SAP30BP: variants seen among roughly 807,000 people sequenced by gnomAD.
SAP30BP encodes SAP30 binding protein, also known as SAP30-binding protein.
SAP30BP carries 31 observed loss-of-function variants against 46.3 expected under a neutral mutation model. The ratio of observed to expected loss-of-function variants is 0.67; its 90% CI spans 0.50 to 0.90. The LOEUF is 0.90. SAP30BP is among the 40% of genes least tolerant of loss of function. SAP30BP has a pLI of 0.00. For synonymous variants in SAP30BP, 169 were observed against 144.2 expected, an observed-to-expected ratio of 1.17 and a Z score of -1.23; for missense variants, 312 against 391.0, an observed-to-expected ratio of 0.80 and a Z score of 1.70.
intron 8 of SAP30BP, 158 bp from the exon 9 acceptor site, chr17:75,704,598 A>G: frequency 1.5e-6 from 1 of 662,732 alleles, no homozygotes. Flanking sequence ...CCCCTGCCCT[A>G]TGCCGACCAA....
At chr17:75,693,298 C>G (rs1322088801) in intron 3 of SAP30BP, 142 bp from the exon 4 acceptor site, 1 of 660,104 alleles carries the variant, frequency 1.5e-6, no homozygotes, top group Admixed American at 2.8e-5. Flanking sequence ...GCCAGAGGCC[C>G]CTGAAGCATC....
At chr17:75,702,326 G>A (rs1361198768) in intron 5 of SAP30BP, among the ~76,000 whole-genome samples, 154 bp from the exon 6 acceptor site, 3 of 152,132 alleles carry the variant, frequency 2.0e-5, no homozygotes, top group South Asian at 4.1e-4. Flanking sequence ...GCCTGGCTGA[G>A]GATAGGTTAA....
chr17:75,704,874 G>T (rs961548947), intron 9 of SAP30BP, 60 bp downstream of exon 9: 58 of 1,373,688 alleles, frequency 4.2e-5, no homozygotes, highest in Middle Eastern at 1.8e-4. Context: ...GGGTCCTGCT[G>T]GCTGAGCCCA....
intron 2 of SAP30BP, among the ~76,000 whole-genome samples, chr17:75,670,167 C>A (rs1468246211): frequency 6.6e-6 from 1 of 151,930 alleles, no homozygotes; most frequent in African/African-American, 2.4e-5. Flanking sequence ...ACTAAAAATA[C>A]AATAATTAGC....
In SAP30BP at chr17:75,697,122, G is replaced by A. The variant is rs544692406; in HGVS notation, c.308-2661G>A. On this transcript the variant is annotated intron_variant, in intron 4 of 10. Transcript: ENST00000584667. ...CATGTGAGCCCCAGAGTGTGGCTGGGTTGCTGTGGCAACAGGGTCACACCC... is the reference window on the plus strand; with the variant it reads ...CATGTGAGCCCCAGAGTGTGGCTGGATTGCTGTGGCAACAGGGTCACACCC... Among the ~76,000 whole-genome samples the A allele has an allele frequency of 1.3e-4, 20 of 152,278 alleles. No homozygotes were observed. In the South Asian group the frequency reaches 4.1e-3, roughly 32 times the overall value.
At chr17:75,668,261 A>G in intron 1 of SAP30BP, 1 of 425,702 alleles carries the variant, frequency 2.3e-6, no homozygotes, top group East Asian at 4.1e-5. Context: ...GTGTTTATCT[A>G]GTGTTTATAG....
intron 3 of SAP30BP, among the ~76,000 whole-genome samples, chr17:75,677,557 G>A (rs137998512): frequency 7.8e-4 from 115 of 148,272 alleles, no homozygotes; most frequent in African/African-American, 2.3e-3. Flanking sequence ...TCAGCCTCCC[G>A]AGTAGCTGGG....
chr17:75,693,403 C>A (rs1013614095), intron 3 of SAP30BP, 37 bp from the exon 4 acceptor site: 1 of 1,588,652 alleles, frequency 6.3e-7, no homozygotes, highest in Non-Finnish European at 8.6e-7. Context: ...TTCAGGAGCC[C>A]CAGTCTTACC....
At chr17:75,682,597 A>G (rs573260176) in intron 3 of SAP30BP, among the ~76,000 whole-genome samples, 95 of 152,312 alleles carry the variant, frequency 6.2e-4, no homozygotes, top group African/African-American at 1.2e-3. Flanking sequence ...AACATTTTCA[A>G]TGTTGCTGTA....
chr17:75,706,096 G>T lies in SAP30BP; in HGVS notation c.745+4G>T. 6.2e-7 allele frequency: 1 copy of T among 1,610,316 alleles called. No individual in the cohort carries two copies. On this transcript the variant is annotated splice_donor_region_variant and intron_variant, in intron 10 of 10. Transcript: ENST00000584667. This position sits in a 1 kb window ranked among gnomAD's most constrained non-coding sequence, Gnocchi z 4.6. ...ACTGCCAGCACAGCTGTTGCAGGTA[G>T]ATTGCAGAGCTGCCCTGCCTCCTGC...
intron 6 of SAP30BP, 129 bp from the exon 7 acceptor site, chr17:75,703,182 C>A: frequency 1.2e-6 from 1 of 817,464 alleles, no homozygotes; most frequent in Non-Finnish European, 2.0e-6. Context: ...CATCAGGAAG[C>A]TTGCTTAGAG....
At position 75,677,325 on chromosome 17, in the gene SAP30BP, G is replaced by A. The variant is rs528617399; in HGVS notation, c.264+5462G>A. Among the ~76,000 whole-genome samples the A allele has an allele frequency of 5.9e-5, 9 of 151,590 alleles. No individual in the cohort carries two copies. In the East Asian group the frequency reaches 1.4e-3, roughly 23 times the overall value. ...TCACCATATTGGCCAGGCTGGTCTC[G>A]AACTCCTGACCTTGTGATCTGCCCG... is the stretch of plus-strand genomic sequence containing the variant. On this transcript the variant is annotated intron_variant, in intron 3 of 10. Coordinates refer to ENST00000584667, the MANE Select transcript of SAP30BP (RefSeq NM_013260.8).
intron 2 of SAP30BP, among the ~76,000 whole-genome samples, chr17:75,668,926 C>T (rs1212856019): frequency 6.6e-6 from 1 of 152,096 alleles, no homozygotes; most frequent in Non-Finnish European, 1.5e-5. Flanking sequence ...ATGATTTACT[C>T]CATTTATAGC....
chr17:75,683,038 A>T lies in SAP30BP; in HGVS notation c.265-10402A>T, dbSNP rs1245417259. Among the ~76,000 whole-genome samples the T allele has an allele frequency of 3.3e-4, 14 of 42,652 alleles. No individual in the cohort carries two copies. The South Asian group carries it at 5.2e-3, about 16-fold the overall frequency. The allele number at this position is 42,652 out of a possible 152,430, so 28.0% of individuals were successfully genotyped here. On this transcript the variant is annotated intron_variant, in intron 3 of 10. Transcript: ENST00000584667. ...AGCTGCTGTAAGAAAAATTTATTTTATTTATTTATTTATTTATTTTTTTTG... is the reference window on the plus strand; with the variant it reads ...AGCTGCTGTAAGAAAAATTTATTTTTTTTATTTATTTATTTATTTTTTTTG...
Position 75,707,328 on chromosome 17 carries a change from C to G in SAP30BP, c.*807C>G, listed in dbSNP as rs549072122. ...GGCAAGCCCTGCTCCTGGGAGGGCT[C>G]CTGCCACCCCACCCTTCCTCTGTGT... On this transcript the variant is annotated 3_prime_UTR_variant, in exon 11 of 11. Coordinates refer to ENST00000584667, the MANE Select transcript of SAP30BP (RefSeq NM_013260.8). 2 of 152,642 alleles carry G rather than the reference C, an allele frequency of 1.3e-5. No individual in the cohort carries two copies. Among genetic ancestry groups the G allele is most frequent in the East Asian group, 3.9e-4 (2 of 5,194 alleles). The allele number at this position is 152,642 out of a possible 1,614,324, so 9.5% of individuals were successfully genotyped here. A position where few individuals can be genotyped will look rare whatever the true frequency, so the allele number is the denominator to read the frequency against.
At chr17:75,687,953 TGTGA>T (rs781596944) in intron 3 of SAP30BP, among the ~76,000 whole-genome samples, 1,382 of 111,004 alleles carry the variant, frequency 0.012, 13 homozygotes, top group Middle Eastern at 0.026. Flanking sequence ...TGTGTGTGTG[TGTGA>T]GAGAGACAGA....
At position 75,707,176 on chromosome 17, in the gene SAP30BP, G is replaced by A. The variant is rs1283645979; in HGVS notation, c.*655G>A. 6.5e-6 allele frequency: 1 copy of A among 152,858 alleles called. No individual in the cohort carries two copies. Among genetic ancestry groups the A allele is most frequent in the Non-Finnish European group, 1.5e-5 (1 of 68,542 alleles). The allele number at this position is 152,858 out of a possible 1,614,324, so 9.5% of individuals were successfully genotyped here. ...GATCCTGACCTGTGCAGAGAGTGGG[G>A]AGGCGTCAGCGCCTGGCCAGGGCTG... On this transcript the variant is annotated 3_prime_UTR_variant, in exon 11 of 11. Coordinates refer to ENST00000584667, the MANE Select transcript of SAP30BP (RefSeq NM_013260.8).
At chr17:75,697,562 A>G (rs2060341759) in intron 4 of SAP30BP, among the ~76,000 whole-genome samples, 1 of 152,194 alleles carries the variant, frequency 6.6e-6, no homozygotes, top group African/African-American at 2.4e-5. Flanking sequence ...CCTCTGATCA[A>G]TGTATCACCC....
chr17:75,673,224 A>G (rs2059932864), intron 3 of SAP30BP, among the ~76,000 whole-genome samples: 1 of 151,836 alleles, frequency 6.6e-6, no homozygotes, highest in African/African-American at 2.4e-5. Flanking sequence ...TGCAGGAGGG[A>G]AAAAAAAGAA....
Sources: allele counts gnomAD v4.1 joint callset (sites outside exome capture counted in the v4.1 genomes callset), GRCh38; gene constraint gnomAD v4.1.1; non-coding constraint Gnocchi (gnomAD v3.1); transcripts MANE v1.5; gene names NCBI Gene and HGNC (gene_info 2026-07-23, HGNC 2026-07-21).